The following SYN3 variants were observed in gnomAD, a reference collection of about 807,000 sequenced individuals.
The protein encoded by SYN3 is synapsin-3.
In SYN3, 35 loss-of-function variants were observed where a neutral mutation model predicts 65.8. That is an observed-to-expected ratio of 0.53 (90% CI 0.41 to 0.70). The LOEUF (loss-of-function observed/expected upper bound fraction) is 0.70. SYN3 is among the 30% of genes least tolerant of loss of function. The pLI is 0.00. For synonymous variants in SYN3, 270 were observed against 292.9 expected (o/e 0.92, Z 0.80); for missense variants, 680 against 749.0 (o/e 0.91, Z 1.08).
chr22:32,617,545 T>C (rs757524193), intron 6 of SYN3, among the ~76,000 whole-genome samples: 1 of 151,082 alleles, frequency 6.6e-6, no homozygotes, highest in Non-Finnish European at 1.5e-5. Flanking sequence ...ATATTCAGTA[T>C]AGGGAGAGAG....
At position 33,035,175 on chromosome 22, in the gene SYN3, C is replaced by T. The variant is rs112037277; in HGVS notation, c.-163+23117G>A. Among the ~76,000 whole-genome samples, 1,490 of 152,146 alleles carry T rather than the reference C, an allele frequency of 9.8e-3. 14 individuals are homozygous for T. The highest frequency in any genetic ancestry group is 0.037 in the Middle Eastern group (11 of 294). On this transcript the variant is annotated intron_variant, in intron 1 of 13. Coordinates refer to ENST00000358763, the MANE Select transcript of SYN3 (RefSeq NM_003490.4). Reference sequence around the variant, plus strand: ...GCACTGGCTTTCTATGCGACAGTAACAATGATAATGATGACGATGATAGTA... The same window carrying T: ...GCACTGGCTTTCTATGCGACAGTAATAATGATAATGATGACGATGATAGTA...
intron 7 of SYN3, among the ~76,000 whole-genome samples, chr22:32,543,140 T>C (rs1266420427): frequency 6.6e-6 from 1 of 152,140 alleles, no homozygotes; most frequent in Non-Finnish European, 1.5e-5. Flanking sequence ...GGCAACTCTG[T>C]CCCTCCCACA....
At chr22:32,592,722 A>G (rs1297857475) in intron 7 of SYN3, among the ~76,000 whole-genome samples, 2 of 152,120 alleles carry the variant, frequency 1.3e-5, no homozygotes, top group African/African-American at 2.4e-5. Flanking sequence ...GCCTTTTCCA[A>G]CTAGGTAGAA....
At chr22:32,548,753 C>T (rs760666080) in intron 7 of SYN3, among the ~76,000 whole-genome samples, 5 of 152,090 alleles carry the variant, frequency 3.3e-5, no homozygotes, top group Non-Finnish European at 5.9e-5. Context: ...CAACATGAGA[C>T]GTAATTAAAA....
chr22:33,005,512 C>T (rs1269626795), intron 2 of SYN3, among the ~76,000 whole-genome samples: 2 of 152,272 alleles, frequency 1.3e-5, no homozygotes, highest in Non-Finnish European at 2.9e-5. Flanking sequence ...TGCATCTCAG[C>T]TATGCCTGGC....
rs543145746 is a variant in SYN3 at position 32,634,692 on chromosome 22, G to A, written c.712-37956C>T. On this transcript the variant is annotated intron_variant, in intron 6 of 13. Transcript: ENST00000358763. ...TAACTATTACTTCTCTTTCAGGACT[G>A]CCCTCCAGCATCACCTCTGCCCCAG... Among the ~76,000 whole-genome samples the A allele has an allele frequency of 2.3e-3, 354 of 152,182 alleles. 2 individuals are homozygous for A. The highest frequency in any genetic ancestry group is 7.9e-3 in the African/African-American group (327 of 41,502).
intron 3 of SYN3, among the ~76,000 whole-genome samples, chr22:32,945,024 G>A (rs1463636673): frequency 6.6e-6 from 1 of 152,160 alleles, no homozygotes. Flanking sequence ...ACAAACCACT[G>A]CTCAACGAAA....
intron 4 of SYN3, among the ~76,000 whole-genome samples, chr22:32,900,414 C>A (rs567988028): frequency 6.6e-6 from 1 of 152,266 alleles, no homozygotes; most frequent in Non-Finnish European, 1.5e-5. Flanking sequence ...TTTTAAAACC[C>A]ATTGTAAATG....
At chr22:32,833,721 T>A (rs2047645408) in intron 6 of SYN3, 1 of 479,924 alleles carries the variant, frequency 2.1e-6, no homozygotes, top group Non-Finnish European at 4.2e-6. Flanking sequence ...CCGCATTAGA[T>A]GATCTGGGGA....
At chr22:32,891,392 T>C (rs1277958852) in intron 4 of SYN3, among the ~76,000 whole-genome samples, 1 of 152,198 alleles carries the variant, frequency 6.6e-6, no homozygotes, top group Non-Finnish European at 1.5e-5. Flanking sequence ...ATACTTCCCA[T>C]GGCTTCTGAA....
rs185151807 is a variant in SYN3, at chr22:32,564,059, C to T, written c.775-22346G>A. On this transcript the variant is annotated intron_variant, in intron 7 of 13. Transcript: ENST00000358763. ...ATGGGAGGGGCCAGCTGGGGGGCCA[C>T]GCAATCCTTAGGCAGTGATTGTTGC... Among the ~76,000 whole-genome samples, 8 of 152,286 alleles carry T rather than the reference C, an allele frequency of 5.3e-5. No individual in the cohort carries two copies. The East Asian group carries it at 5.8e-4, about 11-fold the overall frequency.
intron 6 of SYN3, among the ~76,000 whole-genome samples, chr22:32,604,788 G>T (rs989066864): frequency 4.0e-5 from 6 of 151,158 alleles, no homozygotes; most frequent in African/African-American, 1.2e-4. Context: ...GGCAGATGAC[G>T]AGGTCAGGAG....
chr22:32,567,351 T>G (rs1395260890), intron 7 of SYN3, among the ~76,000 whole-genome samples: 1 of 36,038 alleles, frequency 2.8e-5, no homozygotes, highest in African/African-American at 1.0e-4. Flanking sequence ...CCTCCCTCCC[T>G]CCCTTCTTTC....
At chr22:32,911,197 C>T (rs2050042203) in intron 4 of SYN3, among the ~76,000 whole-genome samples, 1 of 152,176 alleles carries the variant, frequency 6.6e-6, no homozygotes. Context: ...TCAGATCCCA[C>T]ACAGAAAGGA....
At chr22:32,773,033 T>C (rs1056151824) in intron 6 of SYN3, among the ~76,000 whole-genome samples, 3 of 152,194 alleles carry the variant, frequency 2.0e-5, no homozygotes, top group African/African-American at 4.8e-5. Flanking sequence ...GATGTTGCCA[T>C]GTAGAAGCAG....
At chr22:32,791,668 C>G (rs1359307391) in intron 6 of SYN3, among the ~76,000 whole-genome samples, 1 of 151,532 alleles carries the variant, frequency 6.6e-6, no homozygotes, top group Non-Finnish European at 1.5e-5. Context: ...TCCAGCACGG[C>G]AGCATACTGG....
chr22:33,018,275 A>T (rs1007181265), intron 1 of SYN3, among the ~76,000 whole-genome samples: 2 of 152,200 alleles, frequency 1.3e-5, no homozygotes, highest in Non-Finnish European at 2.9e-5. Flanking sequence ...AGGACACAGG[A>T]TATCGCTCCA....
chr22:32,632,322 C>T (rs937868502), intron 6 of SYN3, among the ~76,000 whole-genome samples: 1 of 152,166 alleles, frequency 6.6e-6, no homozygotes, highest in Non-Finnish European at 1.5e-5. Context: ...TGTGCTATGG[C>T]GGTGAGAGCT....
intron 6 of SYN3, among the ~76,000 whole-genome samples, chr22:32,740,639 T>C (rs1303117813): frequency 6.6e-6 from 1 of 152,188 alleles, no homozygotes; most frequent in African/African-American, 2.4e-5. Flanking sequence ...AGTTTGGACA[T>C]AACCCTGGGG....
Sources: allele counts gnomAD v4.1 joint callset (sites outside exome capture counted in the v4.1 genomes callset), GRCh38; gene constraint gnomAD v4.1.1; transcripts MANE v1.5; gene names NCBI Gene and HGNC (gene_info 2026-07-23, HGNC 2026-07-21).